The following DGKK variants were observed in gnomAD, a reference collection of about 807,000 sequenced individuals.
The protein encoded by DGKK is diacylglycerol kinase kappa.
Under a neutral mutation model 92.2 loss-of-function variants are expected in DGKK, and 35 were observed. The observed-to-expected ratio is 0.38, with a 90% confidence interval of 0.29 to 0.50. The LOEUF (loss-of-function observed/expected upper bound fraction) is 0.50, where lower values mean the gene tolerates loss of function less well. Ranked by LOEUF, DGKK falls within the 20% of genes least tolerant of loss-of-function variation. The pLI is 0.92. For missense variants in DGKK, 910 were observed against 992.2 expected (o/e 0.92, Z 1.11); for synonymous variants, 368 against 360.6 (o/e 1.02, Z -0.23).
In DGKK at chrX:50,368,995, CG is replaced by C. The variant is rs782403740; in HGVS notation, c.3760del (p.Arg1254ValfsTer11). Reference protein sequence around the residue: ...FIGNLWHRRHREDEAEGDDPL... With the variant: ...FIGNLWHRRHXEDEAEGDDPL... ...ATCATCACCCTCTGCTTCATCTTCA[CG>C]ATGTCTGCGGTGCCATAAATTGCCT... On this transcript the variant is annotated frameshift_variant, in exon 28 of 28. Transcript: ENST00000611977. LOFTEE classifies it high-confidence loss of function. 5.0e-6 allele frequency: 6 copies of C among 1,207,571 alleles called. No individual in the cohort carries two copies. Among genetic ancestry groups the C allele is most frequent in the Non-Finnish European group, 5.6e-6 (5 of 893,712 alleles).
chrX:50,428,753 G>C (rs1925807759), intron 1 of DGKK, among the ~76,000 whole-genome samples: 2 of 111,067 alleles, frequency 1.8e-5, no homozygotes, highest in Non-Finnish European at 3.8e-5. Flanking sequence ...TCTTGGAAAA[G>C]GTAAAGTACC....
At chrX:50,464,492 G>A (rs1926844894) in intron 1 of DGKK, among the ~76,000 whole-genome samples, 2 of 109,818 alleles carry the variant, frequency 1.8e-5, no homozygotes, top group African/African-American at 3.3e-5. Context: ...ATCTAGAGGG[G>A]AGGATTCGTA....
chrX:50,366,422 T>C lies in DGKK; in HGVS notation c.*2518A>G, dbSNP rs997446793. On this transcript the variant is annotated 3_prime_UTR_variant, in exon 28 of 28. Transcript: ENST00000611977. ...ACTCTAGCCCCAAATACTAGTGGTTTCAGTCAATATCATTCTGACTCAGAG... is the reference window on the plus strand; with the variant it reads ...ACTCTAGCCCCAAATACTAGTGGTTCCAGTCAATATCATTCTGACTCAGAG... The C allele has an allele frequency of 8.9e-6, 1 of 111,786 alleles. No individual in the cohort carries two copies. The highest frequency in any genetic ancestry group is 4.6e-3 in the Middle Eastern group (1 of 218). 9.2% of individuals were successfully genotyped at this position (111,786 alleles called of 1,213,427 possible). A position where few individuals can be genotyped will look rare whatever the true frequency, so the allele number is the denominator to read the frequency against.
chrX:50,425,278 T>C lies in DGKK; in HGVS notation c.646-920A>G, dbSNP rs148439844. 2.9e-3 allele frequency among the ~76,000 whole-genome samples: 319 copies of C among 111,771 alleles called. 1 individual carries two copies. Among genetic ancestry groups the C allele is most frequent in the African/African-American group, 9.9e-3 (305 of 30,803 alleles). ...TTTTGTTTGGCCTACCTAGTGTTTT[T>C]CAAAGTTTCAAATTAGTTGGTAATA... On this transcript the variant is annotated intron_variant, in intron 1 of 27. Coordinates refer to ENST00000611977, the MANE Select transcript of DGKK (RefSeq NM_001013742.4).
At chrX:50,421,088 T>G (rs1925574397) in intron 3 of DGKK, among the ~76,000 whole-genome samples, 1 of 111,798 alleles carries the variant, frequency 8.9e-6, no homozygotes, top group Admixed American at 9.5e-5. Context: ...GAGTGAGATG[T>G]CTAAAAACCC....
chrX:50,425,113 G>A (rs189569856), intron 1 of DGKK, among the ~76,000 whole-genome samples: 1 of 111,577 alleles, frequency 9.0e-6, no homozygotes, highest in East Asian at 2.8e-4. Flanking sequence ...TTTGGGAGAA[G>A]TACTCAACCC....
chrX:50,466,149 G>A (rs935983172), intron 1 of DGKK, among the ~76,000 whole-genome samples: 1 of 104,907 alleles, frequency 9.5e-6, no homozygotes, highest in Non-Finnish European at 1.9e-5. Context: ...AAAGACCACT[G>A]ACCAATACTT....
chrX:50,458,830 C>T (rs1926673993), intron 1 of DGKK, among the ~76,000 whole-genome samples: 1 of 111,531 alleles, frequency 9.0e-6, no homozygotes, highest in African/African-American at 3.3e-5. Flanking sequence ...AATCAGTACC[C>T]TATGATTCCC....
At chrX:50,449,223 G>A (rs1196147058) in intron 1 of DGKK, among the ~76,000 whole-genome samples, 5 of 111,343 alleles carry the variant, frequency 4.5e-5, no homozygotes, top group African/African-American at 9.8e-5. Context: ...GGGAGATAGC[G>A]GAAGTAACAG....
intron 4 of DGKK, among the ~76,000 whole-genome samples, chrX:50,416,738 A>G (rs1925443728): frequency 1.8e-5 from 2 of 111,495 alleles, no homozygotes; most frequent in Non-Finnish European, 3.8e-5. Context: ...TTATGCCGGG[A>G]CAAGTGTAAA....
chrX:50,381,403 G>T (rs1449751218), intron 18 of DGKK, among the ~76,000 whole-genome samples: 1 of 111,405 alleles, frequency 9.0e-6, no homozygotes, highest in Non-Finnish European at 1.9e-5. Flanking sequence ...AGGAGGCAGA[G>T]GTTGCAGTGA....
rs570617452 is a variant in DGKK at position 50,448,856 on chromosome X, G to T, written c.645+21178C>A. ...GAATAATGGTCTTCATTGCCCCAGAGGGACTGCAGGAACCTGTGAAGCAGG... is the reference window on the plus strand; with the variant it reads ...GAATAATGGTCTTCATTGCCCCAGATGGACTGCAGGAACCTGTGAAGCAGG... On this transcript the variant is annotated intron_variant, in intron 1 of 27. Coordinates refer to ENST00000611977, the MANE Select transcript of DGKK (RefSeq NM_001013742.4). Among the ~76,000 whole-genome samples, 4 of 111,566 alleles carry T rather than the reference G, an allele frequency of 3.6e-5. No homozygotes were observed. In the South Asian group the frequency reaches 1.1e-3, roughly 32 times the overall value.
chrX:50,373,175 G>A (rs782732998), intron 25 of DGKK, among the ~76,000 whole-genome samples: 9 of 112,270 alleles, frequency 8.0e-5, no homozygotes, highest in Non-Finnish European at 1.3e-4. Context: ...GATTCACTTC[G>A]TCATCAATTT....
intron 4 of DGKK, among the ~76,000 whole-genome samples, chrX:50,409,254 T>C (rs1324990874): frequency 9.4e-6 from 1 of 106,645 alleles, no homozygotes; most frequent in East Asian, 3.0e-4. Flanking sequence ...GAGATTGGAG[T>C]GATGTGTCAG....
chrX:50,435,071 A>G (rs1925985801), intron 1 of DGKK, among the ~76,000 whole-genome samples: 1 of 112,447 alleles, frequency 8.9e-6, no homozygotes, highest in Non-Finnish European at 1.9e-5. Context: ...TAATGTAGGC[A>G]GTTGTAACAC....
At chrX:50,418,335 G>A (rs191842301) in intron 4 of DGKK, among the ~76,000 whole-genome samples, 73 of 111,795 alleles carry the variant, frequency 6.5e-4, no homozygotes, top group Non-Finnish European at 1.2e-3. Context: ...AGCTCATTGA[G>A]GCCTGGAGCA....
At chrX:50,439,671 C>G (rs1557231120) in intron 1 of DGKK, among the ~76,000 whole-genome samples, 1 of 111,049 alleles carries the variant, frequency 9.0e-6, no homozygotes, top group Non-Finnish European at 1.9e-5. Context: ...GACTTTACTA[C>G]CAGAGGTTAG....
intron 15 of DGKK, among the ~76,000 whole-genome samples, chrX:50,385,300 C>T (rs782060983): frequency 8.9e-6 from 1 of 111,807 alleles, no homozygotes; most frequent in South Asian, 3.8e-4. Context: ...TTTGGGAAGT[C>T]TCTTTCCTTT....
intron 15 of DGKK, among the ~76,000 whole-genome samples, chrX:50,385,618 C>T (rs977206983): frequency 4.3e-4 from 48 of 111,832 alleles, no homozygotes; most frequent in African/African-American, 1.5e-3. Context: ...TGAGGTTGTA[C>T]GTGAAGGTAC....
Sources: allele counts gnomAD v4.1 joint callset (sites outside exome capture counted in the v4.1 genomes callset), GRCh38; gene constraint gnomAD v4.1.1; transcripts MANE v1.5; gene names NCBI Gene and HGNC (gene_info 2026-07-23, HGNC 2026-07-21).